The following TAF5L variants were observed in gnomAD, a reference collection of about 807,000 sequenced individuals.
TAF5L encodes the protein TAF5-like RNA polymerase II p300/CBP-associated factor-associated factor 65 kDa subunit 5L.
A neutral mutation model predicts 51.3 loss-of-function variants in TAF5L; 7 were observed. The observed-to-expected ratio is 0.14, with a 90% CI of 0.08 to 0.26. The LOEUF (loss-of-function observed/expected upper bound fraction) is 0.26, where lower values mean the gene tolerates loss of function less well. Ranked by LOEUF, TAF5L falls within the 10% of genes least tolerant of loss-of-function variation. The probability of loss-of-function intolerance (pLI) is 1.00; values close to 1 mark genes in which losing one functional copy is unlikely to be tolerated. For synonymous variants in TAF5L, 291 were observed against 308.1 expected, an observed-to-expected ratio of 0.94 and a Z score of 0.58; for missense variants, 575 against 758.9, an observed-to-expected ratio of 0.76 and a Z score of 2.85.
At chr1:229,603,419 G>A (rs1013891403) in intron 3 of TAF5L, among the ~76,000 whole-genome samples, 2 of 152,176 alleles carry the variant, frequency 1.3e-5, no homozygotes, top group East Asian at 3.9e-4. Flanking sequence ...AGTAAGTACT[G>A]ACAAGTGATT....
At chr1:229,619,078 A>AT (rs1665112102) in intron 1 of TAF5L, among the ~76,000 whole-genome samples, 1 of 152,096 alleles carries the variant, frequency 6.6e-6, no homozygotes, top group Admixed American at 6.5e-5. Flanking sequence ...ATTTTTTTGC[A>AT]TTTTTTTGTA....
chr1:229,606,083 T>G, intron 3 of TAF5L: 1 of 943,568 alleles, frequency 1.1e-6, no homozygotes, highest in Non-Finnish European at 1.3e-6. Flanking sequence ...AAAACCTAGC[T>G]ATCAAGAAAT....
At chr1:229,618,763 C>T (rs1183091012) in intron 1 of TAF5L, among the ~76,000 whole-genome samples, 2 of 152,120 alleles carry the variant, frequency 1.3e-5, no homozygotes, top group Non-Finnish European at 1.5e-5. Context: ...CCCCCACCCC[C>T]GTTAGGCTCT....
At position 229,623,199 on chromosome 1, in the gene TAF5L, G is replaced by A. The variant is rs145524680; in HGVS notation, c.-4+2686C>T. 4.1e-3 allele frequency among the ~76,000 whole-genome samples: 628 copies of A among 152,298 alleles called. 4 individuals carry two copies. The highest frequency in any genetic ancestry group is 0.014 in the African/African-American group (564 of 41,564). Reference sequence around the variant, plus strand: ...TGAGGCAGGAGAATCGCTTGAACCCGGAAGGCGGAGGTTGCAGTGAGCCAA... The same window carrying A: ...TGAGGCAGGAGAATCGCTTGAACCCAGAAGGCGGAGGTTGCAGTGAGCCAA... On this transcript the variant is annotated intron_variant, in intron 1 of 4. Coordinates refer to ENST00000258281, the Ensembl canonical transcript of TAF5L.
intron 1 of TAF5L, among the ~76,000 whole-genome samples, chr1:229,622,015 CATCATCTATCTATCTATCT>C (rs897640844): frequency 5.8e-5 from 8 of 137,178 alleles, no homozygotes; most frequent in African/African-American, 2.2e-4. Context: ...TTTCATTCAT[CATCATCTATCTATCTATCT>C]ATCTATCTAT....
intron 1 of TAF5L, among the ~76,000 whole-genome samples, chr1:229,619,675 A>C (rs1297875198): frequency 6.6e-6 from 1 of 152,102 alleles, no homozygotes; most frequent in Non-Finnish European, 1.5e-5. Context: ...CCTGCTTCTG[A>C]CCTCAGTGGG....
intron 3 of TAF5L, among the ~76,000 whole-genome samples, chr1:229,605,376 G>A (rs982020243): frequency 9.9e-5 from 15 of 152,230 alleles, no homozygotes; most frequent in Admixed American, 2.0e-4. Flanking sequence ...ATTCTCCTCC[G>A]GGGAAAAGGT....
At chr1:229,620,350 T>TG (rs1665158830) in intron 1 of TAF5L, among the ~76,000 whole-genome samples, 1 of 152,226 alleles carries the variant, frequency 6.6e-6, no homozygotes, top group Non-Finnish European at 1.5e-5. Context: ...TATGCCACTA[T>TG]GCCCGACTCT....
chr1:229,594,350 C>T lies in TAF5L; in HGVS notation c.1717G>A (p.Ala573Thr). Residue 573 changes from alanine (A) to threonine (T), a missense_variant, in exon 5 of 5, where the codon GCC becomes ACC. By Grantham distance (58) the Ala-to-Thr change is moderately conservative. Around this residue, in one of 3 missense-constraint regions of TAF5L, gnomAD observed 91 missense variants for 96.9 expected, o/e 0.94. Coordinates refer to ENST00000258281, the Ensembl canonical transcript of TAF5L. The surrounding 1 kb of genome is among the most constrained non-coding windows in gnomAD (Gnocchi z 7.9). ...CCAGTCACCAGAAGAAGGTTACAGG[C>T]CATGAACTGCACGCTCAGGACGTTG... 2 of 1,614,006 alleles carry T rather than the reference C, an allele frequency of 1.2e-6. No individual in the cohort carries two copies. Among genetic ancestry groups the T allele is most frequent in the South Asian group, 1.1e-5 (1 of 91,076 alleles).
intron 3 of TAF5L, chr1:229,606,873 C>CA: frequency 1.0e-6 from 1 of 985,442 alleles, no homozygotes; most frequent in Non-Finnish European, 1.2e-6. Context: ...CATCTACAGA[C>CA]AACCTGTGGA....
chr1:229,623,634 C>G (rs1430952915), intron 1 of TAF5L, among the ~76,000 whole-genome samples: 2 of 152,248 alleles, frequency 1.3e-5, no homozygotes, highest in Non-Finnish European at 2.9e-5. Context: ...CTATTCTTGT[C>G]TGTTTCATAC....
At chr1:229,601,907 A>C (rs1022406914) in intron 4 of TAF5L, 1 of 1,175,736 alleles carries the variant, frequency 8.5e-7, no homozygotes, top group African/African-American at 1.6e-5. Context: ...GCTAAAGTCA[A>C]TATTAGCTAA....
At chr1:229,609,858 CTTCAGGAA>C (rs1049169738) in intron 3 of TAF5L, among the ~76,000 whole-genome samples, 6 of 152,198 alleles carry the variant, frequency 3.9e-5, no homozygotes, top group African/African-American at 1.4e-4. Flanking sequence ...TGATTGAACT[CTTCAGGAA>C]TTCCAATAGA....
Position 229,600,263 on chromosome 1 carries a change from G to A in TAF5L, c.972+1932C>T, listed in dbSNP as rs899529221. 1.2e-5 allele frequency: 12 copies of A among 985,232 alleles called. No homozygotes were observed. In the East Asian group the frequency reaches 1.2e-3, roughly 102 times the overall value. The allele number at this position is 985,232 out of a possible 1,614,324, so 61.0% of individuals were successfully genotyped here. On this transcript the variant is annotated intron_variant, in intron 4 of 4. Coordinates refer to ENST00000258281, the Ensembl canonical transcript of TAF5L. ...TGTGATAAAATGGGCGGGCATGCAG[G>A]AAGCCCCTCAACAACAGAATAGGAG...
rs914826910 is a variant in TAF5L at position 229,599,702 on chromosome 1, T to C, written c.972+2493A>G. The C allele has an allele frequency of 4.5e-5, 24 of 530,040 alleles. No individual in the cohort carries two copies. In the African/African-American group the frequency reaches 5.0e-4, roughly 11 times the overall value. 32.8% of individuals were successfully genotyped at this position (530,040 alleles called of 1,614,324 possible). The stretch of plus-strand genomic sequence containing the variant: ...TTCATCTTGATGGCCATTTGGACTG[T>C]TTCCACTTTTTGGCTATTGTGAATA... On this transcript the variant is annotated intron_variant, in intron 4 of 4. Transcript: ENST00000258281.
intron 3 of TAF5L, chr1:229,606,490 A>G (rs1571840971): frequency 1.2e-5 from 12 of 985,280 alleles, no homozygotes; most frequent in African/African-American, 8.7e-5. Flanking sequence ...AATTAGTAGT[A>G]AAAAGGATAC....
chr1:229,610,039 G>T, intron 3 of TAF5L, 67 bp downstream of exon 3: 1 of 1,355,032 alleles, frequency 7.4e-7, no homozygotes, highest in South Asian at 1.2e-5. Context: ...CACAAGCAGT[G>T]TGCCCAAAGT....
Position 229,594,472 on chromosome 1 carries a change from T to A in TAF5L, c.1595A>T (p.Asn532Ile). The change falls in exon 5 of 5, where the codon AAC becomes ATC. Residue 532 changes from asparagine to isoleucine, a missense_variant. Coordinates refer to ENST00000258281, the Ensembl canonical transcript of TAF5L. The surrounding 1 kb of genome is among the most constrained non-coding windows in gnomAD (Gnocchi z 7.9). ...CCTGATGTCCCAGACGCGCACCGAG[T>A]TGTCCATGGAGGCAGAGGCAATCAA... 6.2e-7 allele frequency: 1 copy of A among 1,613,928 alleles called. No homozygotes were observed. The highest frequency in any genetic ancestry group is 8.5e-7 in the Non-Finnish European group (1 of 1,179,984).
At chr1:229,606,133 G>C in intron 3 of TAF5L, 1 of 985,344 alleles carries the variant, frequency 1.0e-6, no homozygotes, top group Non-Finnish European at 1.2e-6. Context: ...ATTCACTGTT[G>C]CTTCAGCTCA....
Sources: gnomAD v4.1 joint callset for allele counts (sites outside exome capture counted in the v4.1 genomes callset) on GRCh38, gnomAD v4.1.1 for gene constraint, gnomAD v4.1.1 regional missense constraint, Gnocchi (gnomAD v3.1) non-coding constraint, MANE v1.5 for transcripts, NCBI Gene and HGNC (gene_info 2026-07-23, HGNC 2026-07-21) for gene names.